WDR1: variants seen among roughly 807,000 people sequenced by gnomAD.
The protein encoded by WDR1 is WD repeat domain 1, also known as WD repeat-containing protein 1.
A neutral mutation model predicts 71.9 loss-of-function variants in WDR1; 21 were observed. The ratio of observed to expected loss-of-function variants is 0.29; its 90% CI spans 0.21 to 0.42. WDR1 has a LOEUF of 0.42. Among genes scored for constraint, WDR1 ranks in the 10% least tolerant of loss-of-function variants. The pLI, the probability that WDR1 is intolerant of heterozygous loss-of-function variation, is 1.00. For missense variants in WDR1, 696 were observed against 824.5 expected, an observed-to-expected ratio of 0.84 and a Z score of 1.91; for synonymous variants, 424 against 347.4, an observed-to-expected ratio of 1.22 and a Z score of -2.45.
Position 10,077,831 on chromosome 4 carries a change from G to A in WDR1, c.1491C>T (p.Tyr497=), listed in dbSNP as rs1447507402. 3.1e-6 allele frequency: 5 copies of A among 1,609,130 alleles called. No homozygotes were observed. The highest frequency in any genetic ancestry group is 2.2e-5 in the South Asian group (2 of 90,116). ...CCGCGAGGAAGGCGCCGTCGTGGGA[G>A]TAGGCCACGTCGGTCACGGGGCCCT... ...EAKGPVTDVA[Y]SHDGAFLAVC... is the part of the protein sequence containing the mutation. Residue 497 remains tyrosine (Y), a synonymous_variant, in exon 13 of 15, where the codon TAC becomes TAT. Transcript: ENST00000499869.
chr4:10,103,289 GACACACACACACAC>G (rs5856034), intron 3 of WDR1, among the ~76,000 whole-genome samples: 30 of 147,022 alleles, frequency 2.0e-4, no homozygotes, highest in Admixed American at 6.7e-4. Flanking sequence ...CACACACACA[GACACACACACACAC>G]ACACACACAC....
At chr4:10,092,919 C>T in intron 5 of WDR1, 2 of 530,988 alleles carry the variant, frequency 3.8e-6, no homozygotes, top group Admixed American at 2.4e-5. Flanking sequence ...GGACAACTGA[C>T]GGTGTCCGGT....
rs532522986 is a variant in WDR1, at chr4:10,108,960, A to G, written c.139-4974T>C. Among the ~76,000 whole-genome samples the G allele has an allele frequency of 7.9e-5, 12 of 152,378 alleles. No homozygotes were observed. The South Asian group carries it at 2.5e-3, about 32-fold the overall frequency. ...TACTACGTGGACACCAGAGTGGGGA[A>G]GGTTCACACTTGATTCACCATAGCA... On this transcript the variant is annotated intron_variant, in intron 2 of 14. Coordinates refer to ENST00000499869, the MANE Select transcript of WDR1 (RefSeq NM_017491.5).
chr4:10,103,301 C>G (rs1041245699), intron 3 of WDR1, among the ~76,000 whole-genome samples: 23 of 149,496 alleles, frequency 1.5e-4, no homozygotes, highest in South Asian at 8.4e-4. Context: ...CACACACACA[C>G]ACACACACAC....
rs1478705975 is a variant in WDR1, at chr4:10,116,708, CG to C, written c.-43del. 3.8e-6 allele frequency: 5 copies of C among 1,329,758 alleles called. No homozygotes were observed. The highest frequency in any genetic ancestry group is 6.5e-5 in the Admixed American group (2 of 30,998). The allele number at this position is 1,329,758 out of a possible 1,614,324, so 82.4% of individuals were successfully genotyped here. On this transcript the variant is annotated 5_prime_UTR_variant, in exon 1 of 15. Transcript: ENST00000499869. ...CCGCGCCGCGCTCGCCGAGAGCCTC[CG>C]GGGCCGGCCCGCGCTGCGAATTACA...
intron 4 of WDR1, 27 bp from the exon 5 acceptor site, chr4:10,097,918 C>CAAAAAA (rs748635612): frequency 6.6e-6 from 8 of 1,213,136 alleles, no homozygotes; most frequent in Admixed American, 4.4e-5. Flanking sequence ...AGGTGGAAGA[C>CAAAAAA]AAAAAAAAAA....
intron 2 of WDR1, among the ~76,000 whole-genome samples, chr4:10,112,607 G>A (rs566371014): frequency 6.6e-6 from 1 of 152,358 alleles, no homozygotes; most frequent in South Asian, 2.1e-4. Flanking sequence ...ATAAATGACA[G>A]AGGGGGCTCC....
intron 14 of WDR1, 42 bp from the exon 15 acceptor site, chr4:10,075,526 C>G (rs1764767749): frequency 6.4e-7 from 1 of 1,571,300 alleles, no homozygotes. Flanking sequence ...CCAAACTTCT[C>G]TGCAACTATG....
Position 10,082,977 on chromosome 4 carries a change from G to A in WDR1, c.1196+45C>T, listed in dbSNP as rs368454869. The A allele has an allele frequency of 1.3e-4, 208 of 1,576,086 alleles. No individual in the cohort carries two copies. In the African/African-American group the frequency reaches 2.6e-3, roughly 19 times the overall value. On this transcript the variant is annotated intron_variant, in intron 10 of 14. Transcript: ENST00000499869. Reference sequence around the variant, plus strand: ...CTGGAGGGCACAAGCCCTCCGAGGGGAGCTGAGGCTCATCCGGAACCCCCG... The same window carrying A: ...CTGGAGGGCACAAGCCCTCCGAGGGAAGCTGAGGCTCATCCGGAACCCCCG...
At chr4:10,079,814 C>T (rs1041419777) in intron 11 of WDR1, among the ~76,000 whole-genome samples, 1 of 152,216 alleles carries the variant, frequency 6.6e-6, no homozygotes, top group Non-Finnish European at 1.5e-5. Context: ...AAACCTACTA[C>T]TGAAGAGGCA....
chr4:10,103,260 T>C (rs1712805178), intron 3 of WDR1, among the ~76,000 whole-genome samples: 1 of 127,204 alleles, frequency 7.9e-6, no homozygotes, highest in Admixed American at 8.4e-5. Flanking sequence ...AAACATCCAT[T>C]CACACATACA....
At chr4:10,107,062 A>G (rs903905981) in intron 2 of WDR1, among the ~76,000 whole-genome samples, 1 of 152,102 alleles carries the variant, frequency 6.6e-6, no homozygotes, top group African/African-American at 2.4e-5. Context: ...AATGGGGAAA[A>G]CGAGACAGGG....
chr4:10,088,899 G>A (rs1305360414), intron 5 of WDR1, among the ~76,000 whole-genome samples, 158 bp from the exon 6 acceptor site: 2 of 152,256 alleles, frequency 1.3e-5, no homozygotes. Context: ...ATCCTGGGCA[G>A]TCCCTTAGTG....
chr4:10,115,781 A>C, intron 2 of WDR1: 1 of 199,686 alleles, frequency 5.0e-6, no homozygotes, highest in Non-Finnish European at 1.0e-5. Context: ...CTTTTAAGGA[A>C]TGAACTAATC....
intron 2 of WDR1, among the ~76,000 whole-genome samples, chr4:10,109,587 C>G (rs1713224431): frequency 6.6e-6 from 1 of 152,258 alleles, no homozygotes; most frequent in Non-Finnish European, 1.5e-5. Context: ...TGCCTCCCAG[C>G]TCAGCCTCAG....
intron 4 of WDR1, 114 bp from the exon 5 acceptor site, chr4:10,098,005 C>T: frequency 1.8e-6 from 2 of 1,109,344 alleles, no homozygotes; most frequent in East Asian, 2.6e-5. Context: ...GAGTGACTGT[C>T]AGCAGGCAGC....
rs187685725 is a variant in WDR1 at position 10,113,033 on chromosome 4, T to C, written c.138+3080A>G. Among the ~76,000 whole-genome samples the C allele has an allele frequency of 2.4e-3, 370 of 152,308 alleles. 2 individuals carry two copies. Among genetic ancestry groups the C allele is most frequent in the Non-Finnish European group, 2.2e-3 (148 of 68,024 alleles). The stretch of plus-strand genomic sequence containing the variant: ...GAAAATTCTATTCCGGGGACACCCC[T>C]CTACTAAGGTGACTACATCTAAGTA... On this transcript the variant is annotated intron_variant, in intron 2 of 14. Coordinates refer to ENST00000499869, the MANE Select transcript of WDR1 (RefSeq NM_017491.5).
chr4:10,083,320 C>T lies in WDR1; in HGVS notation c.1040-142G>A. 1.8e-6 allele frequency: 2 copies of T among 1,083,822 alleles called. 1 individual carries two copies. The highest frequency in any genetic ancestry group is 2.6e-6 in the Non-Finnish European group (2 of 766,190). The allele number at this position is 1,083,822 out of a possible 1,614,324, so 67.1% of individuals were successfully genotyped here. A position where few individuals can be genotyped will look rare whatever the true frequency, so the allele number is the denominator to read the frequency against. On this transcript the variant is annotated intron_variant, in intron 9 of 14. Transcript: ENST00000499869. Reference sequence around the variant, plus strand: ...ATAACCATTCCCCCTGGGAAGCCTGCAGTGTCCACTGTTGACACGTTCTTA... The same window carrying T: ...ATAACCATTCCCCCTGGGAAGCCTGTAGTGTCCACTGTTGACACGTTCTTA...
At chr4:10,104,528 C>A (rs1429706978) in intron 2 of WDR1, among the ~76,000 whole-genome samples, 1 of 152,198 alleles carries the variant, frequency 6.6e-6, no homozygotes, top group Admixed American at 6.5e-5. Flanking sequence ...AAGTCGATTC[C>A]CCACTCCCTT....
Sources: allele counts gnomAD v4.1 joint callset (sites outside exome capture counted in the v4.1 genomes callset), GRCh38; gene constraint gnomAD v4.1.1; transcripts MANE v1.5; gene names NCBI Gene and HGNC (gene_info 2026-07-23, HGNC 2026-07-21).